Variants in GRIK2 observed in about 807,000 individuals in gnomAD.
The protein encoded by GRIK2 is glutamate ionotropic receptor kainate type subunit 2, also known as glutamate receptor ionotropic, kainate 2.
In GRIK2, 32 loss-of-function variants were observed where a neutral mutation model predicts 100.3. The observed-to-expected ratio is 0.32, with a 90% CI of 0.24 to 0.43. The LOEUF is 0.43. GRIK2 is among the 20% of genes least tolerant of loss of function. The pLI is 1.00. For synonymous variants in GRIK2, 417 were observed against 389.4 expected, an observed-to-expected ratio of 1.07 and a Z score of -0.83; for missense variants, 843 against 1,114.9, an observed-to-expected ratio of 0.76 and a Z score of 3.47.
intron 4 of GRIK2, among the ~76,000 whole-genome samples, chr6:101,646,528 TTAAG>T (rs1781533793): frequency 6.6e-6 from 1 of 151,874 alleles, no homozygotes; most frequent in African/African-American, 2.4e-5. Context: ...ATTTTACACT[TTAAG>T]TACATATATT....
At chr6:102,040,531 T>C (rs1770508782) in intron 15 of GRIK2, among the ~76,000 whole-genome samples, 1 of 151,614 alleles carries the variant, frequency 6.6e-6, no homozygotes. Context: ...CTTTTTTTAC[T>C]TCTGTTTTCT....
chr6:102,020,327 C>A (rs992900562), intron 14 of GRIK2, among the ~76,000 whole-genome samples: 2 of 151,844 alleles, frequency 1.3e-5, no homozygotes, highest in Non-Finnish European at 2.9e-5. Context: ...GGGTTCACTG[C>A]AATGGGATAT....
chr6:101,567,580 C>G (rs1777337488), intron 2 of GRIK2, among the ~76,000 whole-genome samples: 1 of 151,994 alleles, frequency 6.6e-6, no homozygotes, highest in African/African-American at 2.4e-5. Flanking sequence ...CATAAACTTA[C>G]TCTCAAGAAT....
chr6:101,628,666 T>C (rs1562271139), intron 4 of GRIK2, among the ~76,000 whole-genome samples: 1 of 152,120 alleles, frequency 6.6e-6, no homozygotes, highest in Non-Finnish European at 1.5e-5. Flanking sequence ...TAAATATAGA[T>C]ACATGTGCAT....
chr6:101,755,476 A>G (rs748783007), intron 7 of GRIK2, among the ~76,000 whole-genome samples: 1 of 151,916 alleles, frequency 6.6e-6, no homozygotes, highest in Non-Finnish European at 1.5e-5. Context: ...CGCATAAATC[A>G]TTTCTAAATT....
intron 7 of GRIK2, among the ~76,000 whole-genome samples, chr6:101,792,589 A>T (rs1416667287): frequency 6.6e-6 from 1 of 152,000 alleles, no homozygotes; most frequent in Non-Finnish European, 1.5e-5. Context: ...TGTTAGTCTG[A>T]TGGGCTTCCC....
chr6:101,867,005 T>C (rs1237678383), intron 11 of GRIK2, among the ~76,000 whole-genome samples: 1 of 151,938 alleles, frequency 6.6e-6, no homozygotes, highest in Non-Finnish European at 1.5e-5. Context: ...GTGATGTTTG[T>C]GATTTGTTGG....
intron 2 of GRIK2, among the ~76,000 whole-genome samples, chr6:101,595,500 C>G (rs1778874525): frequency 6.6e-6 from 1 of 151,448 alleles, no homozygotes; most frequent in Admixed American, 6.6e-5. Context: ...CCAGATGATG[C>G]CAGATTCTAT....
intron 10 of GRIK2, among the ~76,000 whole-genome samples, chr6:101,850,790 A>G (rs1386509828): frequency 6.6e-6 from 1 of 152,056 alleles, no homozygotes; most frequent in Non-Finnish European, 1.5e-5. Flanking sequence ...GCAAATGCTG[A>G]TGTGGAGATT....
intron 2 of GRIK2, among the ~76,000 whole-genome samples, chr6:101,609,905 C>T (rs1251570255): frequency 6.6e-6 from 1 of 151,536 alleles, no homozygotes; most frequent in Non-Finnish European, 1.5e-5. Flanking sequence ...GAGAAGTAGG[C>T]TTCTTGAAGG....
intron 14 of GRIK2, among the ~76,000 whole-genome samples, chr6:101,935,852 G>A (rs1271301063): frequency 6.6e-6 from 1 of 151,910 alleles, no homozygotes; most frequent in Non-Finnish European, 1.5e-5. Flanking sequence ...TTCCTTTGCA[G>A]ATCTAAACTA....
chr6:101,644,971 T>C (rs527423394), intron 4 of GRIK2, among the ~76,000 whole-genome samples: 3 of 151,922 alleles, frequency 2.0e-5, no homozygotes, highest in Non-Finnish European at 3.0e-5. Flanking sequence ...ACATGATTCT[T>C]GATGGAGGTA....
At chr6:101,514,932 G>A (rs1428416376) in intron 2 of GRIK2, among the ~76,000 whole-genome samples, 1 of 152,062 alleles carries the variant, frequency 6.6e-6, no homozygotes, top group Non-Finnish European at 1.5e-5. Flanking sequence ...TTGGGGTACG[G>A]GAGGTACTTG....
At chr6:102,006,621 G>A (rs1001540989) in intron 14 of GRIK2, among the ~76,000 whole-genome samples, 1 of 151,596 alleles carries the variant, frequency 6.6e-6, no homozygotes, top group Admixed American at 6.6e-5. Flanking sequence ...TCCTGCCTTG[G>A]CCTCCCAAAG....
intron 2 of GRIK2, among the ~76,000 whole-genome samples, chr6:101,587,976 C>T (rs1320691183): frequency 6.6e-6 from 1 of 151,958 alleles, no homozygotes; most frequent in Non-Finnish European, 1.5e-5. Context: ...TAATTAATGG[C>T]TCAAAAATAA....
intron 2 of GRIK2, among the ~76,000 whole-genome samples, chr6:101,578,510 G>A (rs1777894042): frequency 6.6e-6 from 1 of 152,126 alleles, no homozygotes; most frequent in Admixed American, 6.6e-5. Context: ...TCAGAGTCTA[G>A]CATATGGGGC....
intron 2 of GRIK2, among the ~76,000 whole-genome samples, chr6:101,406,049 C>G (rs1775578115): frequency 6.6e-6 from 1 of 152,180 alleles, no homozygotes; most frequent in African/African-American, 2.4e-5. Context: ...TCCCTCACAT[C>G]TCTTTGATCA....
chr6:101,502,318 T>G (rs796414222), intron 2 of GRIK2, among the ~76,000 whole-genome samples: 1 of 152,176 alleles, frequency 6.6e-6, no homozygotes, highest in South Asian at 2.1e-4. Flanking sequence ...TACAAAAAGA[T>G]ATATATATAC....
At chr6:101,968,801 G>C (rs1303905608) in intron 14 of GRIK2, among the ~76,000 whole-genome samples, 1 of 151,892 alleles carries the variant, frequency 6.6e-6, no homozygotes, top group Non-Finnish European at 1.5e-5. Context: ...TTAATTAGAA[G>C]TATTGATGTT....
Sources: allele counts gnomAD v4.1 joint callset (sites outside exome capture counted in the v4.1 genomes callset), GRCh38; gene constraint gnomAD v4.1.1; transcripts MANE v1.5; gene names NCBI Gene and HGNC (gene_info 2026-07-23, HGNC 2026-07-21).